Variants in RP1 observed in about 807,000 individuals in gnomAD.
The protein encoded by RP1 is oxygen-regulated protein 1.
RP1 carries 16 observed loss-of-function variants against 14.8 expected under a neutral mutation model. The observed-to-expected ratio is 1.08, with a 90% CI of 0.73 to 1.65. The LOEUF (loss-of-function observed/expected upper bound fraction) is 1.65, where lower values mean the gene tolerates loss of function less well. Ranked by LOEUF, RP1 falls within the 40% of genes most tolerant of loss-of-function variation. The pLI is 0.00. For synonymous variants in RP1, 876 were observed against 883.6 expected, an observed-to-expected ratio of 0.99 and a Z score of 0.15; for missense variants, 2,631 against 2,535.0, an observed-to-expected ratio of 1.04 and a Z score of -0.81.
intron 20 of RP1, chr8:54,754,984 G>A: frequency 7.1e-7 from 1 of 1,408,400 alleles, no homozygotes; most frequent in African/African-American, 1.5e-5. Context: ...AAATTGTTTG[G>A]TAGTTGCTTA....
chr8:54,611,355 A>G (rs923564724), upstream of RP1, among the ~76,000 whole-genome samples: 9 of 152,134 alleles, frequency 5.9e-5, no homozygotes, highest in African/African-American at 1.9e-4. Flanking sequence ...TGGTATCCCC[A>G]GGTCCTTCAA....
intron 1 of RP1, among the ~76,000 whole-genome samples, chr8:54,577,696 C>T (rs543459434): frequency 4.6e-5 from 7 of 152,088 alleles, no homozygotes; most frequent in African/African-American, 1.7e-4. Flanking sequence ...AAGATATATA[C>T]TGTGATATCC....
chr8:54,594,652 G>A (rs1446637251), intron 1 of RP1, among the ~76,000 whole-genome samples: 1 of 152,138 alleles, frequency 6.6e-6, no homozygotes, highest in Non-Finnish European at 1.5e-5. Context: ...TACAATTCTG[G>A]TTTATGATTA....
chr8:54,621,383 C>T lies in RP1; in HGVS notation c.417C>T (p.Pro139=), dbSNP rs1239841360. Residue 139 remains proline (P), a synonymous_variant, in exon 2 of 4, where the codon CCC becomes CCT. Coordinates refer to ENST00000220676, the MANE Select transcript of RP1 (RefSeq NM_006269.2). ...SSRAISAHSP[P]HPVAVAAPGM... is the part of the protein sequence containing the mutation. ...GGGCCATTAGCGCGCACTCACCGCC[C>T]CACCCCGTAGCCGTCGCTGCTCCCG... 3 of 1,612,830 alleles carry T rather than the reference C, an allele frequency of 1.9e-6. No individual in the cohort carries two copies. Among genetic ancestry groups the T allele is most frequent in the African/African-American group, 2.7e-5 (2 of 74,914 alleles).
chr8:54,610,409 C>T (rs1172237356), intron 1 of RP1, among the ~76,000 whole-genome samples: 1 of 152,216 alleles, frequency 6.6e-6, no homozygotes, highest in African/African-American at 2.4e-5. Context: ...TGGAAGTTCT[C>T]ATCCAGATTC....
chr8:54,771,646 A>G (rs1809910332), downstream of RP1, among the ~76,000 whole-genome samples: 1 of 152,076 alleles, frequency 6.6e-6, no homozygotes, highest in African/African-American at 2.4e-5. Context: ...TCAAAGACTA[A>G]TGAGTTTGGT....
chr8:54,759,168 G>C, intron 22 of RP1: 1 of 1,218,670 alleles, frequency 8.2e-7, no homozygotes, highest in Non-Finnish European at 1.1e-6. Context: ...GTGTGTGTGT[G>C]TGTGTGTATC....
Position 54,621,136 on chromosome 8 carries a change from C to G in RP1, c.170C>G (p.Pro57Arg). The part of the protein sequence containing the change: ...QFGGVRVVVN[P>R]RSFKSFDALL... Reference sequence around the variant, plus strand: ...GGCGGGGTCAGGGTGGTGGTCAACCCTCGCTCCTTTAAGTCCTTTGATGCT... The same window carrying G: ...GGCGGGGTCAGGGTGGTGGTCAACCGTCGCTCCTTTAAGTCCTTTGATGCT... Residue 57 changes from proline to arginine, a missense_variant, in exon 2 of 4, where the codon CCT becomes CGT. By Grantham distance (103) the Pro-to-Arg change is moderately radical. Transcript: ENST00000220676. 1 of 1,614,160 alleles carries G rather than the reference C, an allele frequency of 6.2e-7. No individual in the cohort carries two copies. The highest frequency in any genetic ancestry group is 8.5e-7 in the Non-Finnish European group (1 of 1,180,024).
chr8:54,604,728 T>G lies in RP1; in HGVS notation c.-12-16227T>G, dbSNP rs199654525. On this transcript the variant is annotated intron_variant, in intron 1 of 22. Transcript: ENST00000636932. ...CCTCAATTTCAGAGCCTGTTATTGG[T>G]CTATTCAGAGATTCAACTTCTTCCT... Among the ~76,000 whole-genome samples the G allele has an allele frequency of 3.1e-4, 47 of 152,356 alleles. 2 individuals carry two copies. The East Asian group carries it at 4.8e-3, about 16-fold the overall frequency.
Position 54,629,424 on chromosome 8 carries a change from G to T in RP1, c.5542G>T (p.Ala1848Ser). Reference protein sequence around the residue: ...RNETCAKERIANHHTEEKGSH... With the variant: ...RNETCAKERISNHHTEEKGSH... The stretch of plus-strand genomic sequence containing the variant: ...TGAAACCTGTGCCAAGGAAAGAATA[G>T]CAAATCATCATACAGAGGAGAAGGG... Residue 1848 changes from alanine (A) to serine (S), a missense_variant, in exon 4 of 4, where the codon GCA becomes TCA. By Grantham distance (99) the Ala-to-Ser change is moderately conservative (BLOSUM62 1). Coordinates refer to ENST00000220676, the MANE Select transcript of RP1 (RefSeq NM_006269.2). 6.2e-7 allele frequency: 1 copy of T among 1,614,114 alleles called. No homozygotes were observed. Among genetic ancestry groups the T allele is most frequent in the Non-Finnish European group, 8.5e-7 (1 of 1,179,994 alleles).
At chr8:54,769,513 A>G (rs1809848661) in intron 22 of RP1, among the ~76,000 whole-genome samples, 1 of 152,088 alleles carries the variant, frequency 6.6e-6, no homozygotes, top group Non-Finnish European at 1.5e-5. Flanking sequence ...AGCAACGTAT[A>G]TATTTCGTTC....
intron 25 of RP1, among the ~76,000 whole-genome samples, chr8:54,848,465 T>C (rs1382106552): frequency 1.3e-5 from 2 of 152,152 alleles, no homozygotes; most frequent in Admixed American, 1.3e-4. Flanking sequence ...GGCCCAATGA[T>C]ATAGCTGCAG....
rs770996359 is a variant in RP1, at chr8:54,706,442, G to T, written c.1999-1G>T. 6 of 1,535,712 alleles carry T rather than the reference G, an allele frequency of 3.9e-6. No homozygotes were observed. The South Asian group carries it at 7.1e-5, about 18-fold the overall frequency. ...TTTCTGTTCTGTTTGTTGCTCTGAA[G>T]GGGGTGTTCCTCAACAGTGCTGTGG... On this transcript the variant is annotated splice_acceptor_variant, in intron 14 of 22. Transcript: ENST00000636932. LOFTEE classifies it high-confidence loss of function.
At chr8:54,794,193 C>T (rs1468331725) in intron 24 of RP1, among the ~76,000 whole-genome samples, 1 of 151,010 alleles carries the variant, frequency 6.6e-6, no homozygotes, top group Non-Finnish European at 1.5e-5. Context: ...GCATTTTTGA[C>T]AGAAATATAA....
intron 24 of RP1, among the ~76,000 whole-genome samples, chr8:54,800,996 G>T (rs1404997156): frequency 6.6e-6 from 1 of 152,138 alleles, no homozygotes; most frequent in Non-Finnish European, 1.5e-5. Flanking sequence ...TTGGAGATAA[G>T]CACACTTTCC....
intron 1 of RP1, among the ~76,000 whole-genome samples, chr8:54,575,618 T>C (rs1475643673): frequency 6.6e-6 from 1 of 152,188 alleles, no homozygotes; most frequent in Admixed American, 6.5e-5. Flanking sequence ...TATCAAATAG[T>C]AGGTCTTTTT....
In RP1 at chr8:54,623,452, T is replaced by C. The variant is rs748573190; in HGVS notation, c.787+1164T>C. Among the ~76,000 whole-genome samples the C allele has an allele frequency of 6.5e-4, 99 of 152,070 alleles. 1 individual carries two copies. The highest frequency in any genetic ancestry group is 2.5e-4 in the Non-Finnish European group (17 of 68,032). ...CTGATGGCAAGTATGTGCAAATCTA[T>C]ATAGATTTGCTAACAGGATTTTTTT... On this transcript the variant is annotated intron_variant, in intron 3 of 3. Coordinates refer to ENST00000220676, the MANE Select transcript of RP1 (RefSeq NM_006269.2).
At chr8:54,586,564 C>A (rs1382746309) in intron 1 of RP1, among the ~76,000 whole-genome samples, 2 of 152,212 alleles carry the variant, frequency 1.3e-5, no homozygotes, top group African/African-American at 4.8e-5. Context: ...GTTTCTCCTG[C>A]CTTTTGTTTG....
Position 54,621,326 on chromosome 8 carries a change from C to T in RP1, c.360C>T (p.Ala120=), listed in dbSNP as rs1252971742. 1 of 1,612,076 alleles carries T rather than the reference C, an allele frequency of 6.2e-7. No homozygotes were observed. The highest frequency in any genetic ancestry group is 8.5e-7 in the Non-Finnish European group (1 of 1,179,132). The stretch of plus-strand genomic sequence containing the variant: ...TGCAGCCTGTAGACCTGGACAAAGC[C>T]CGTCGGCGCCCGCGGCCCTGGCTCA... ...RKVQPVDLDK[A]RRRPRPWLSS... is the part of the protein sequence containing the mutation. The change falls in exon 2 of 4, where the codon GCC becomes GCT. Residue 120 remains alanine (A), a synonymous_variant. Transcript: ENST00000220676.
Sources: allele counts gnomAD v4.1 joint callset (sites outside exome capture counted in the v4.1 genomes callset), GRCh38; gene constraint gnomAD v4.1.1; transcripts MANE v1.5; gene names NCBI Gene and HGNC (gene_info 2026-07-23, HGNC 2026-07-21).